XPO4: variants seen among roughly 807,000 people sequenced by gnomAD.
XPO4 encodes exportin 4.
Under a neutral mutation model 143.0 loss-of-function variants are expected in XPO4, and 39 were observed. That is an observed-to-expected ratio of 0.27 (90% CI 0.21 to 0.36). XPO4 has a LOEUF of 0.36. XPO4 is among the 10% of genes least tolerant of loss of function. The pLI, the probability that XPO4 is intolerant of heterozygous loss-of-function variation, is 1.00. For synonymous variants in XPO4, 439 were observed against 474.0 expected (o/e 0.93, Z 0.96); for missense variants, 907 against 1,348.0 (o/e 0.67, Z 5.12).
At chr13:20,865,367 C>T in intron 2 of XPO4, 2 of 659,200 alleles carry the variant, frequency 3.0e-6, no homozygotes, top group Non-Finnish European at 3.8e-6. Context: ...AAACTCCCAA[C>T]CTCAAGTGAT....
At chr13:20,882,184 A>G (rs984904922) in intron 1 of XPO4, among the ~76,000 whole-genome samples, 9 of 152,066 alleles carry the variant, frequency 5.9e-5, no homozygotes, top group Admixed American at 4.6e-4. Flanking sequence ...AATTATTACA[A>G]ACATAGGAAG....
intron 4 of XPO4, chr13:20,851,452 A>T (rs1402348071): frequency 7.1e-6 from 7 of 984,718 alleles, no homozygotes; most frequent in Admixed American, 6.2e-5. Context: ...TGGTTGGCTC[A>T]CACCTATAAT....
chr13:20,825,869 A>G (rs1476199001), intron 7 of XPO4, among the ~76,000 whole-genome samples: 2 of 152,204 alleles, frequency 1.3e-5, no homozygotes, highest in East Asian at 1.9e-4. Context: ...TCTATAGAAA[A>G]TATCCTTTAT....
intron 1 of XPO4, among the ~76,000 whole-genome samples, chr13:20,878,287 T>C (rs1471913873): frequency 1.3e-5 from 2 of 152,070 alleles, no homozygotes; most frequent in Non-Finnish European, 2.9e-5. Flanking sequence ...AAGTTGATAG[T>C]CCCAACCAGC....
intron 4 of XPO4, 145 bp downstream of exon 4, chr13:20,855,482 G>T: frequency 3.9e-6 from 3 of 769,984 alleles, no homozygotes; most frequent in Non-Finnish European, 5.3e-6. Context: ...AAAAAGACTA[G>T]AAGAAAACCT....
At position 20,821,719 on chromosome 13, in the gene XPO4, A is replaced by G; in HGVS notation, c.1158T>C (p.Ala386=). 6.2e-7 allele frequency: 1 copy of G among 1,613,330 alleles called. No individual in the cohort carries two copies. The highest frequency in any genetic ancestry group is 8.5e-7 in the Non-Finnish European group (1 of 1,179,586). ...THLTCSFGRS[A]ALEEVLDKDD... ...AGTCACTCACCACTTCTTCCAATGC[A>G]GCACTTCGCCCAAAAGAACAAGTGA... Residue 386 remains alanine (A), a synonymous_variant, in exon 9 of 23, where the codon GCT becomes GCC. Coordinates refer to ENST00000255305, the MANE Select transcript of XPO4 (RefSeq NM_022459.5).
chr13:20,857,006 TAG>T, intron 3 of XPO4: 2 of 461,006 alleles, frequency 4.3e-6, no homozygotes, highest in Non-Finnish European at 5.7e-6. Flanking sequence ...ATGCATTTAT[TAG>T]ATATTTATAC....
chr13:20,879,125 A>G, intron 1 of XPO4: 1 of 985,448 alleles, frequency 1.0e-6, no homozygotes, highest in South Asian at 4.7e-5. Context: ...GCCAACCTCT[A>G]GTGACCCTGA....
chr13:20,842,497 A>G (rs1404077096), intron 6 of XPO4, among the ~76,000 whole-genome samples: 1 of 152,190 alleles, frequency 6.6e-6, no homozygotes, highest in Admixed American at 6.5e-5. Flanking sequence ...ATTAAATTAG[A>G]GCACTCCAAA....
At chr13:20,851,325 A>G in intron 4 of XPO4, 1 of 985,348 alleles carries the variant, frequency 1.0e-6, no homozygotes, top group Non-Finnish European at 1.2e-6. Context: ...AGTCACCAAA[A>G]TAAATTTCAT....
intron 1 of XPO4, among the ~76,000 whole-genome samples, chr13:20,885,970 T>C (rs1431097341): frequency 6.6e-6 from 1 of 152,246 alleles, no homozygotes. Context: ...CAATACAATT[T>C]ATACGTACAA....
intron 9 of XPO4, among the ~76,000 whole-genome samples, chr13:20,818,966 G>A (rs1487873258): frequency 2.0e-5 from 3 of 151,968 alleles, no homozygotes; most frequent in South Asian, 2.1e-4. Flanking sequence ...GATTACAGGC[G>A]CCCGCCACCA....
chr13:20,812,473 G>C (rs1353006333), intron 9 of XPO4, among the ~76,000 whole-genome samples: 1 of 151,918 alleles, frequency 6.6e-6, no homozygotes, highest in Non-Finnish European at 1.5e-5. Flanking sequence ...AAATTTTAAA[G>C]AATTTAGAAG....
chr13:20,825,987 T>C lies in XPO4; in HGVS notation c.840+1080A>G, dbSNP rs574812582. On this transcript the variant is annotated intron_variant, in intron 7 of 22. Transcript: ENST00000255305. ...GAAAAAGGCAGTTGAAGGGCTCATC[T>C]ATATTTTTACAACAAATGAAAAGAA... Among the ~76,000 whole-genome samples, 107 of 152,346 alleles carry C rather than the reference T, an allele frequency of 7.0e-4. 1 individual carries two copies. The highest frequency in any genetic ancestry group is 5.1e-3 in the Admixed American group (78 of 15,306).
chr13:20,788,322 G>A (rs927869092), intron 20 of XPO4, among the ~76,000 whole-genome samples, 164 bp downstream of exon 20: 1 of 152,158 alleles, frequency 6.6e-6, no homozygotes, highest in South Asian at 2.1e-4. Context: ...CTCCCAAAGT[G>A]CTGGAATTAC....
At chr13:20,807,706 TCA>T (rs1319524883) in intron 12 of XPO4, 72 bp from the exon 13 acceptor site, 5 of 1,201,858 alleles carry the variant, frequency 4.2e-6, no homozygotes, top group African/African-American at 1.6e-5. Context: ...ATAAATGTTT[TCA>T]GTTTGATTTA....
At chr13:20,802,992 G>C (rs896544022) in intron 13 of XPO4, among the ~76,000 whole-genome samples, 7 of 152,134 alleles carry the variant, frequency 4.6e-5, no homozygotes, top group Non-Finnish European at 1.0e-4. Context: ...CTTAGTACAC[G>C]TATCTTTGAA....
intron 6 of XPO4, 137 bp downstream of exon 6, chr13:20,842,758 A>T: frequency 2.5e-6 from 2 of 789,430 alleles, no homozygotes; most frequent in Non-Finnish European, 3.8e-6. Context: ...TAAAGAAATT[A>T]AATTCTATTT....
At chr13:20,866,048 CAGA>C in intron 2 of XPO4, 1 of 985,348 alleles carries the variant, frequency 1.0e-6, no homozygotes, top group Non-Finnish European at 1.2e-6. Context: ...AAGTTAGCTC[CAGA>C]AGAAGTAAGC....
Sources: gnomAD v4.1 joint callset for allele counts (sites outside exome capture counted in the v4.1 genomes callset) on GRCh38, gnomAD v4.1.1 for gene constraint, MANE v1.5 for transcripts, NCBI Gene and HGNC (gene_info 2026-07-23, HGNC 2026-07-21) for gene names.